Variants in MID2 observed in about 807,000 individuals in gnomAD.
MID2 encodes the protein probable E3 ubiquitin-protein ligase MID2.
Under a neutral mutation model 46.1 loss-of-function variants are expected in MID2, and 13 were observed. That is an observed-to-expected ratio of 0.28 (90% CI 0.18 to 0.45). The LOEUF is 0.45. Among genes scored for constraint, MID2 ranks in the 20% least tolerant of loss-of-function variants. The pLI is 1.00. For missense variants in MID2, 431 were observed against 575.4 expected, an observed-to-expected ratio of 0.75 and a Z score of 2.57; for synonymous variants, 199 against 212.3, an observed-to-expected ratio of 0.94 and a Z score of 0.55.
At chrX:107,833,936 G>T (rs1458908812) in intron 1 of MID2, among the ~76,000 whole-genome samples, 1 of 111,026 alleles carries the variant, frequency 9.0e-6, no homozygotes, top group Non-Finnish European at 1.9e-5. Flanking sequence ...TGGGACTACA[G>T]GTGCATGCCA....
At chrX:107,872,762 AGTT>A (rs760911026) in intron 3 of MID2, among the ~76,000 whole-genome samples, 4 of 112,353 alleles carry the variant, frequency 3.6e-5, no homozygotes, top group African/African-American at 1.3e-4. Flanking sequence ...GACCTCCAAC[AGTT>A]GTTTCAGTTC....
intron 3 of MID2, among the ~76,000 whole-genome samples, chrX:107,862,162 A>T (rs1034860185): frequency 8.1e-5 from 9 of 111,537 alleles, no homozygotes; most frequent in African/African-American, 2.0e-4. Context: ...CAGGAGGAGG[A>T]GGAGGAGGGA....
At chrX:107,918,731 A>C (rs1933016700) in intron 7 of MID2, among the ~76,000 whole-genome samples, 1 of 111,709 alleles carries the variant, frequency 9.0e-6, no homozygotes, top group South Asian at 3.7e-4. Context: ...TGAAGTCACA[A>C]ACTCTAATGC....
chrX:107,848,432 T>C (rs923462441), intron 2 of MID2, among the ~76,000 whole-genome samples: 2 of 111,451 alleles, frequency 1.8e-5, no homozygotes, highest in Non-Finnish European at 3.8e-5. Context: ...AATCATGCTA[T>C]GCACCTGAAG....
chrX:107,904,193 G>A lies in MID2; in HGVS notation c.924+128G>A, dbSNP rs73636329. On this transcript the variant is annotated intron_variant, in intron 4 of 9. Transcript: ENST00000262843. Reference sequence around the variant, plus strand: ...AGATTATAGGGGGAGAGGCAAAGAAGTGATGTTTGGCCTACTGCTCTGAAT... The same window carrying A: ...AGATTATAGGGGGAGAGGCAAAGAAATGATGTTTGGCCTACTGCTCTGAAT... 4.8e-4 allele frequency: 248 copies of A among 512,851 alleles called. No homozygotes were observed. In the African/African-American group the frequency reaches 5.2e-3, roughly 11 times the overall value. 42.3% of individuals were successfully genotyped at this position (512,851 alleles called of 1,213,427 possible). A position where few individuals can be genotyped will look rare whatever the true frequency, so the allele number is the denominator to read the frequency against.
intron 1 of MID2, among the ~76,000 whole-genome samples, chrX:107,837,333 A>T (rs1931229981): frequency 8.9e-6 from 1 of 111,753 alleles, no homozygotes; most frequent in Admixed American, 9.5e-5. Context: ...AATACATGTG[A>T]CCAACCCAGG....
At position 107,841,302 on chromosome X, in the gene MID2, T is replaced by G; in HGVS notation, c.637T>G (p.Leu213Val). 1.7e-6 allele frequency: 2 copies of G among 1,211,313 alleles called. No individual in the cohort carries two copies. The highest frequency in any genetic ancestry group is 2.2e-6 in the Non-Finnish European group (2 of 895,251). ...VNMYCVSDDQ[L>V]ICALCKLVGR... ...CATGTACTGTGTATCTGATGACCAA[T>G]TGATCTGTGCCTTATGCAAACTGGT... The change falls in exon 2 of 10, where the codon TTG (leucine) becomes GTG (valine). Residue 213 changes from leucine to valine, a missense_variant. Leu to Val is a conservative substitution (Grantham distance 32). Transcript: ENST00000262843.
At chrX:107,844,839 C>G (rs760324472) in intron 2 of MID2, among the ~76,000 whole-genome samples, 6 of 111,704 alleles carry the variant, frequency 5.4e-5, no homozygotes, top group Non-Finnish European at 9.4e-5. Flanking sequence ...ATGCATAATT[C>G]AAACCCCATA....
intron 3 of MID2, among the ~76,000 whole-genome samples, chrX:107,891,007 G>T (rs1164094056): frequency 9.0e-6 from 1 of 110,560 alleles, no homozygotes; most frequent in Non-Finnish European, 1.9e-5. Flanking sequence ...TCCAGGTGCT[G>T]TCTCTCACCC....
At chrX:107,899,191 C>A (rs1932774632) in intron 3 of MID2, among the ~76,000 whole-genome samples, 1 of 98,588 alleles carries the variant, frequency 1.0e-5, no homozygotes, top group Non-Finnish European at 2.1e-5. Context: ...CTCCCCCCCC[C>A]CAAAAATCCT....
intron 5 of MID2, among the ~76,000 whole-genome samples, chrX:107,910,153 A>G (rs776566909): frequency 3.3e-4 from 37 of 111,613 alleles, no homozygotes; most frequent in East Asian, 1.1e-3. Context: ...ACAACTCCCC[A>G]TTCCCTCCTC....
In MID2 at chrX:107,917,352, T is replaced by C. The variant is rs192976115; in HGVS notation, c.1202-154T>C. On this transcript the variant is annotated intron_variant, in intron 6 of 9. Transcript: ENST00000262843. ...TTTTAGGGAGCTTGAGATCCCAGCATTTTGCTTCAGGTTGCATGGTTCATG... is the reference window on the plus strand; with the variant it reads ...TTTTAGGGAGCTTGAGATCCCAGCACTTTGCTTCAGGTTGCATGGTTCATG... 375 of 493,623 alleles carry C rather than the reference T, an allele frequency of 7.6e-4. 1 individual carries two copies. The highest frequency in any genetic ancestry group is 6.7e-3 in the South Asian group (194 of 29,146). The allele number at this position is 493,623 out of a possible 1,213,427, so 40.7% of individuals were successfully genotyped here.
At chrX:107,900,237 A>G (rs1932784809) in intron 3 of MID2, among the ~76,000 whole-genome samples, 1 of 111,297 alleles carries the variant, frequency 9.0e-6, no homozygotes, top group Non-Finnish European at 1.9e-5. Context: ...TCTCTACAAA[A>G]TACACTCACT....
intron 3 of MID2, among the ~76,000 whole-genome samples, chrX:107,892,785 C>G (rs73533411): frequency 0.019 from 2,102 of 111,864 alleles, 51 homozygotes; most frequent in African/African-American, 0.064. Flanking sequence ...CCTTAGGAAG[C>G]CTTCCTTGAC....
At chrX:107,910,815 T>C (rs1817451092) in intron 5 of MID2, among the ~76,000 whole-genome samples, 2 of 36,381 alleles carry the variant, frequency 5.5e-5, no homozygotes, top group Admixed American at 3.2e-4. Flanking sequence ...TTCCTTTCCT[T>C]TCCTTTCCTT....
At chrX:107,866,435 AC>A (rs1931958410) in intron 3 of MID2, among the ~76,000 whole-genome samples, 1 of 77,730 alleles carries the variant, frequency 1.3e-5, no homozygotes, top group Non-Finnish European at 2.4e-5. Flanking sequence ...ACACACACAC[AC>A]ACACACACAC....
intron 2 of MID2, among the ~76,000 whole-genome samples, chrX:107,845,378 T>G (rs1412685547): frequency 9.0e-6 from 1 of 111,305 alleles, no homozygotes; most frequent in African/African-American, 3.3e-5. Context: ...TCTCATTACA[T>G]TTCCACAAAT....
At chrX:107,889,724 G>T (rs940559294) in intron 3 of MID2, among the ~76,000 whole-genome samples, 8 of 112,045 alleles carry the variant, frequency 7.1e-5, no homozygotes, top group African/African-American at 2.3e-4. Flanking sequence ...TTCCAACTTG[G>T]TTCCATTCTC....
intron 3 of MID2, among the ~76,000 whole-genome samples, chrX:107,858,950 A>G (rs1931798952): frequency 8.9e-6 from 1 of 111,740 alleles, no homozygotes; most frequent in Non-Finnish European, 1.9e-5. Flanking sequence ...AGAAGAAAGA[A>G]AGGAGATGAG....
Sources: gnomAD v4.1 joint callset for allele counts (sites outside exome capture counted in the v4.1 genomes callset) on GRCh38, gnomAD v4.1.1 for gene constraint, MANE v1.5 for transcripts, NCBI Gene and HGNC (gene_info 2026-07-23, HGNC 2026-07-21) for gene names.